Variants in CDKL2 observed in about 807,000 individuals in gnomAD.
CDKL2 encodes cyclin dependent kinase like 2, also known as cyclin-dependent kinase-like 2.
Under a neutral mutation model 63.9 loss-of-function variants are expected in CDKL2, and 64 were observed. That is an observed-to-expected ratio of 1.00 (90% CI 0.82 to 1.23). The LOEUF (loss-of-function observed/expected upper bound fraction) is 1.23, where lower values mean the gene tolerates loss of function less well. Ranked by LOEUF, CDKL2 falls within the 50% of genes most tolerant of loss-of-function variation. The pLI is 0.00. For synonymous variants in CDKL2, 211 were observed against 229.2 expected, an observed-to-expected ratio of 0.92 and a Z score of 0.72; for missense variants, 656 against 668.0, an observed-to-expected ratio of 0.98 and a Z score of 0.20.
At chr4:75,603,762 G>T in intron 6 of CDKL2, 55 bp downstream of exon 6, 46 of 1,013,984 alleles carry the variant, frequency 4.5e-5, no homozygotes, top group Non-Finnish European at 6.0e-5. Flanking sequence ...AAAAAAAAAG[G>T]TCTTGATAGT....
At chr4:75,603,986 T>G (rs769032798) in intron 5 of CDKL2, 30 bp from the exon 6 acceptor site, 23 of 1,584,820 alleles carry the variant, frequency 1.5e-5, no homozygotes, top group Non-Finnish European at 2.0e-5. Context: ...ATATCTCTGT[T>G]ATTATACAAC....
chr4:75,615,917 C>T (rs557854984), intron 2 of CDKL2, among the ~76,000 whole-genome samples: 8 of 152,220 alleles, frequency 5.3e-5, no homozygotes, highest in Admixed American at 1.3e-4. Flanking sequence ...CTTAAGCCCA[C>T]GAGTTGGAGG....
chr4:75,624,765 G>A (rs1196229496), intron 2 of CDKL2, among the ~76,000 whole-genome samples: 8 of 152,064 alleles, frequency 5.3e-5, no homozygotes, highest in Admixed American at 5.2e-4. Flanking sequence ...GGCTGAGGCA[G>A]GGGCATCACT....
At position 75,592,250 on chromosome 4, in the gene CDKL2, A is replaced by T. The variant is rs1166839483; in HGVS notation, c.1436T>A (p.Leu479His). Residue 479 changes from leucine to histidine, a missense_variant, in exon 11 of 14, where the codon CTC (leucine) becomes CAC (histidine). Leu to His is a moderately conservative substitution (Grantham distance 99). Coordinates refer to ENST00000307465, the MANE Select transcript of CDKL2 (RefSeq NM_001330724.2). ...TCTTCTTTTCTTACTTGCCCAAAAG[A>T]GGTTTTTTTCACTAGAGACCTAATA... Reference protein sequence around the residue: ...VTTLVSSEKNLFWASKKRREY... With the variant: ...VTTLVSSEKNHFWASKKRREY... The T allele has an allele frequency of 1.2e-5, 18 of 1,532,408 alleles. No individual in the cohort carries two copies. Among genetic ancestry groups the T allele is most frequent in the South Asian group, 3.6e-5 (3 of 82,954 alleles). The allele number at this position is 1,532,408 out of a possible 1,614,324, so 94.9% of individuals were successfully genotyped here.
At chr4:75,586,429 T>C (rs1289833511) in intron 12 of CDKL2, among the ~76,000 whole-genome samples, 2 of 151,952 alleles carry the variant, frequency 1.3e-5, no homozygotes, top group African/African-American at 2.4e-5. Flanking sequence ...GGTTTCACCA[T>C]GTTAGCTAGC....
chr4:75,600,330 C>T lies in CDKL2; in HGVS notation c.835G>A (p.Ala279Thr), dbSNP rs144803383. ...AAGAAATCATGGTGTAGGAGCTCAG[C>T]ACAGAAGGGTCTTTTGTCGGGGTCA... The part of the protein sequence containing the change: ...HIDPDKRPFC[A>T]ELLHHDFFQM... The change falls in exon 7 of 14, where the codon GCT (alanine) becomes ACT (threonine). Residue 279 changes from alanine (A) to threonine (T), a missense_variant. Physicochemically the swap from Ala to Thr is moderately conservative, Grantham distance 58. Coordinates refer to ENST00000307465, the MANE Select transcript of CDKL2 (RefSeq NM_001330724.2). 1.7e-5 allele frequency: 27 copies of T among 1,613,706 alleles called. No homozygotes were observed. The highest frequency in any genetic ancestry group is 2.2e-5 in the Non-Finnish European group (26 of 1,179,746).
At position 75,592,133 on chromosome 4, in the gene CDKL2, A is replaced by G. The variant is rs866958460; in HGVS notation, c.1540+13T>C. 5.3e-6 allele frequency: 8 copies of G among 1,518,956 alleles called. No homozygotes were observed. The Middle Eastern group carries it at 1.0e-3, about 194-fold the overall frequency. The allele number at this position is 1,518,956 out of a possible 1,614,324, so 94.1% of individuals were successfully genotyped here. A position where few individuals can be genotyped will look rare whatever the true frequency, so the allele number is the denominator to read the frequency against. On this transcript the variant is annotated intron_variant, in intron 11 of 13. Coordinates refer to ENST00000307465, the MANE Select transcript of CDKL2 (RefSeq NM_001330724.2). ...TAAACAGACTACACAAAGTAAAAGCATTATCAACACACCTATGCCTCCCAG... is the reference window on the plus strand; with the variant it reads ...TAAACAGACTACACAAAGTAAAAGCGTTATCAACACACCTATGCCTCCCAG...
At chr4:75,597,437 G>A (rs1408063765) in intron 8 of CDKL2, among the ~76,000 whole-genome samples, 1 of 151,966 alleles carries the variant, frequency 6.6e-6, no homozygotes, top group Non-Finnish European at 1.5e-5. Flanking sequence ...AAAAAGAATG[G>A]AAATGCAATT....
intron 12 of CDKL2, among the ~76,000 whole-genome samples, chr4:75,589,998 G>C (rs1346656343): frequency 2.7e-5 from 4 of 149,178 alleles, no homozygotes; most frequent in Non-Finnish European, 6.0e-5. Flanking sequence ...AAAAAAAAAA[G>C]AGGCCAGGTA....
chr4:75,589,982 C>CAAAAA (rs769808423), intron 12 of CDKL2, among the ~76,000 whole-genome samples: 3 of 99,670 alleles, frequency 3.0e-5, no homozygotes, highest in Non-Finnish European at 4.3e-5. Flanking sequence ...ACCATGTGTC[C>CAAAAA]AAAAAAAAAA....
At chr4:75,613,090 A>G (rs1578344493) in intron 3 of CDKL2, among the ~76,000 whole-genome samples, 1 of 147,400 alleles carries the variant, frequency 6.8e-6, no homozygotes. Context: ...GCGCCACTGC[A>G]CTCCAGCCTG....
chr4:75,591,831 A>G lies in CDKL2; in HGVS notation c.1635T>C (p.Ile545=). 5.2e-6 allele frequency: 8 copies of G among 1,534,000 alleles called. No individual in the cohort carries two copies. The highest frequency in any genetic ancestry group is 7.0e-6 in the Non-Finnish European group (8 of 1,145,152). The stretch of plus-strand genomic sequence containing the variant: ...AGTATTTCTGTACCTGATGTAATGT[A>G]ATACTGGGGGTGTGCAGGTCAATAG... ...LAAIDLHTPS[I]TLHQVSGPPL... The change falls in exon 12 of 14, where the codon ATT becomes ATC. Residue 545 remains isoleucine, a synonymous_variant. Coordinates refer to ENST00000307465, the MANE Select transcript of CDKL2 (RefSeq NM_001330724.2).
intron 12 of CDKL2, among the ~76,000 whole-genome samples, chr4:75,582,345 G>A (rs1175354898): frequency 6.6e-6 from 1 of 152,154 alleles, no homozygotes; most frequent in Non-Finnish European, 1.5e-5. Context: ...CTATAAAAGG[G>A]AACCAAATGT....
At chr4:75,611,451 T>C (rs1578342663) in intron 3 of CDKL2, among the ~76,000 whole-genome samples, 1 of 116,318 alleles carries the variant, frequency 8.6e-6, no homozygotes, top group East Asian at 2.1e-4. Context: ...AGAGTGAGAT[T>C]CTGTCTCAAA....
chr4:75,591,776 A>T, intron 12 of CDKL2, 43 bp downstream of exon 12: 1 of 1,309,336 alleles, frequency 7.6e-7, no homozygotes, highest in Admixed American at 2.2e-5. Flanking sequence ...TAAGTAAGAG[A>T]GAGACCCGAG....
intron 2 of CDKL2, among the ~76,000 whole-genome samples, chr4:75,616,627 G>A (rs1729937765): frequency 6.6e-6 from 1 of 150,484 alleles, no homozygotes; most frequent in African/African-American, 2.5e-5. Flanking sequence ...TTGAACCCAG[G>A]AGGCGGAAGT....
chr4:75,584,398 T>C (rs938154285), intron 12 of CDKL2, among the ~76,000 whole-genome samples: 1 of 152,134 alleles, frequency 6.6e-6, no homozygotes. Context: ...TGGAACTAAA[T>C]TAGCCCAACA....
At chr4:75,602,634 G>A (rs557985327) in intron 6 of CDKL2, among the ~76,000 whole-genome samples, 2 of 152,248 alleles carry the variant, frequency 1.3e-5, no homozygotes, top group East Asian at 3.9e-4. Context: ...TGATTCTCCT[G>A]TCTCAGCATC....
intron 1 of CDKL2, among the ~76,000 whole-genome samples, chr4:75,627,746 T>TC (rs1440879599): frequency 2.1e-5 from 3 of 142,650 alleles, no homozygotes; most frequent in Non-Finnish European, 4.6e-5. Flanking sequence ...TTTTTTTTTT[T>TC]TTTTTGAAAC....
Sources: allele counts gnomAD v4.1 joint callset (sites outside exome capture counted in the v4.1 genomes callset), GRCh38; gene constraint gnomAD v4.1.1; transcripts MANE v1.5; gene names NCBI Gene and HGNC (gene_info 2026-07-23, HGNC 2026-07-21).